Variants in WDFY3 observed in about 807,000 individuals in gnomAD.
WDFY3 encodes WD repeat and FYVE domain-containing protein 3.
In WDFY3, 66 loss-of-function variants were observed where a neutral mutation model predicts 409.6. The ratio of observed to expected loss-of-function variants is 0.16; its 90% CI spans 0.13 to 0.20. The LOEUF (loss-of-function observed/expected upper bound fraction) is 0.20, where lower values mean the gene tolerates loss of function less well. WDFY3 is among the 10% of genes least tolerant of loss of function. The pLI is 1.00. For synonymous variants in WDFY3, 1,521 were observed against 1,537.1 expected (o/e 0.99, Z 0.25); for missense variants, 3,031 against 4,298.1 (o/e 0.71, Z 8.24).
At chr4:84,680,038 C>A (rs1302895314) in intron 64 of WDFY3, among the ~76,000 whole-genome samples, 3 of 151,680 alleles carry the variant, frequency 2.0e-5, no homozygotes, top group Non-Finnish European at 4.4e-5. Flanking sequence ...CTACAGGCAC[C>A]CACCACCACA....
intron 1 of WDFY3, among the ~76,000 whole-genome samples, chr4:84,932,888 T>C (rs184684982): frequency 3.9e-5 from 6 of 152,322 alleles, no homozygotes; most frequent in Admixed American, 3.9e-4. Context: ...CTCAAGTTAT[T>C]TGGGTTGCCT....
chr4:84,739,194 T>C (rs1360767918), intron 39 of WDFY3, 75 bp from the exon 40 acceptor site: 3 of 1,408,200 alleles, frequency 2.1e-6, no homozygotes, highest in Non-Finnish European at 3.0e-6. Context: ...AGAATTACTC[T>C]ATTTCCATTA....
At chr4:84,936,590 G>A (rs1379008992) in intron 1 of WDFY3, among the ~76,000 whole-genome samples, 2 of 152,046 alleles carry the variant, frequency 1.3e-5, no homozygotes, top group Admixed American at 6.6e-5. Flanking sequence ...GAAAGATTTT[G>A]TGGAGTCTCT....
intron 1 of WDFY3, among the ~76,000 whole-genome samples, chr4:84,941,201 A>ATT (rs1561124882): frequency 1.3e-5 from 2 of 152,060 alleles, no homozygotes; most frequent in African/African-American, 4.8e-5. Flanking sequence ...AGGCAGCATG[A>ATT]TTATATATAT....
intron 22 of WDFY3, among the ~76,000 whole-genome samples, chr4:84,788,747 A>C (rs1025317219): frequency 2.0e-5 from 3 of 152,194 alleles, no homozygotes; most frequent in African/African-American, 7.2e-5. Context: ...GATCGCCCTA[A>C]AATGGATAAC....
intron 2 of WDFY3, among the ~76,000 whole-genome samples, chr4:84,921,526 TTA>T (rs775000399): frequency 2.0e-5 from 3 of 152,022 alleles, no homozygotes; most frequent in Non-Finnish European, 4.4e-5. Context: ...AAAAGTATTT[TTA>T]TATGTCTTTA....
intron 1 of WDFY3, among the ~76,000 whole-genome samples, chr4:84,957,216 C>A (rs1221058741): frequency 6.7e-6 from 1 of 150,026 alleles, no homozygotes; most frequent in Non-Finnish European, 1.5e-5. Context: ...ATATATAGTG[C>A]CTGCATTAAG....
At chr4:84,920,198 G>A (rs1044263685) in intron 2 of WDFY3, among the ~76,000 whole-genome samples, 3 of 152,126 alleles carry the variant, frequency 2.0e-5, no homozygotes, top group Non-Finnish European at 4.4e-5. Flanking sequence ...ATAAACGCAA[G>A]ATATGATCAT....
At chr4:84,765,471 A>G (rs1361012852) in intron 32 of WDFY3, among the ~76,000 whole-genome samples, 2 of 152,196 alleles carry the variant, frequency 1.3e-5, no homozygotes, top group African/African-American at 4.8e-5. Flanking sequence ...ACTGGCACAC[A>G]GTAAGTACTC....
intron 54 of WDFY3, among the ~76,000 whole-genome samples, chr4:84,705,029 G>A (rs1230623904): frequency 1.3e-5 from 2 of 151,842 alleles, no homozygotes; most frequent in Admixed American, 1.3e-4. Flanking sequence ...AATGCAAAAG[G>A]GTTCCAAAAT....
intron 30 of WDFY3, among the ~76,000 whole-genome samples, chr4:84,772,441 G>A (rs1005836867): frequency 1.3e-5 from 2 of 152,096 alleles, no homozygotes; most frequent in Admixed American, 6.6e-5. Flanking sequence ...TAACAGGGAA[G>A]TGAAAATAAT....
Position 84,766,236 on chromosome 4 carries a change from A to T in WDFY3, c.4970+16T>A. 1.9e-6 allele frequency: 3 copies of T among 1,567,644 alleles called. No individual in the cohort carries two copies. The highest frequency in any genetic ancestry group is 2.6e-6 in the Non-Finnish European group (3 of 1,157,810). Reference sequence around the variant, plus strand: ...GTAGCAACTGGTATAATCACTTTTAAAAAAGATTTACTTACTGCAAATTAA... The same window carrying T: ...GTAGCAACTGGTATAATCACTTTTATAAAAGATTTACTTACTGCAAATTAA... On this transcript the variant is annotated intron_variant, in intron 31 of 67. Transcript: ENST00000295888.
chr4:84,826,906 T>C lies in WDFY3; in HGVS notation c.1032A>G (p.Thr344=). The change falls in exon 10 of 68, where the codon ACA becomes ACG. Residue 344 remains threonine, a synonymous_variant. Coordinates refer to ENST00000295888, the MANE Select transcript of WDFY3 (RefSeq NM_014991.6). ...DLVNLITSLT[T]YGVSELKPAG... ...CTGGTTTTAGTTCACTGACACCATATGTTGTTAGGGAAGTTATCAGATTAA... is the reference window on the plus strand; with the variant it reads ...CTGGTTTTAGTTCACTGACACCATACGTTGTTAGGGAAGTTATCAGATTAA... 6 of 1,611,154 alleles carry C rather than the reference T, an allele frequency of 3.7e-6. No homozygotes were observed. The highest frequency in any genetic ancestry group is 3.3e-4 in the Middle Eastern group (2 of 6,052).
intron 3 of WDFY3, among the ~76,000 whole-genome samples, chr4:84,890,074 T>C (rs2150498504): frequency 6.6e-6 from 1 of 152,166 alleles, no homozygotes; most frequent in East Asian, 1.9e-4. Flanking sequence ...GCAATTTAGG[T>C]TCAGCCAATC....
At chr4:84,943,971 T>C (rs771002202) in intron 1 of WDFY3, among the ~76,000 whole-genome samples, 1 of 152,190 alleles carries the variant, frequency 6.6e-6, no homozygotes, top group African/African-American at 2.4e-5. Flanking sequence ...GATTAGGATA[T>C]ATGGCACTTT....
At chr4:84,780,731 T>C (rs1166451236) in intron 25 of WDFY3, among the ~76,000 whole-genome samples, 1 of 151,896 alleles carries the variant, frequency 6.6e-6, no homozygotes, top group South Asian at 2.1e-4. Flanking sequence ...GCCACCGCAC[T>C]CCAGCCTGGG....
At position 84,868,112 on chromosome 4, in the gene WDFY3, A is replaced by C. The variant is rs1761657658; in HGVS notation, c.-31-7490T>G. Among the ~76,000 whole-genome samples, 4 of 119,522 alleles carry C rather than the reference A, an allele frequency of 3.3e-5. No individual in the cohort carries two copies. In the South Asian group the frequency reaches 8.7e-4, roughly 26 times the overall value. The allele number at this position is 119,522 out of a possible 152,430, so 78.4% of individuals were successfully genotyped here. ...TGAACCCAGGAGGAGGTGGAGCTTT[A>C]AGTGAGCCGAGATCATGCCACTGCA... On this transcript the variant is annotated intron_variant, in intron 3 of 67. Coordinates refer to ENST00000295888, the MANE Select transcript of WDFY3 (RefSeq NM_014991.6).
intron 1 of WDFY3, among the ~76,000 whole-genome samples, chr4:84,956,693 C>G (rs1052010232): frequency 2.6e-5 from 4 of 152,126 alleles, no homozygotes; most frequent in Non-Finnish European, 5.9e-5. Flanking sequence ...AAGCTTGCAA[C>G]CTCATCAAAA....
chr4:84,952,743 C>CAA (rs765563963), intron 1 of WDFY3, among the ~76,000 whole-genome samples: 1 of 140,922 alleles, frequency 7.1e-6, no homozygotes, highest in Non-Finnish European at 1.6e-5. Flanking sequence ...TCATCTTGAC[C>CAA]AAAAAAAAAA....
Sources: gnomAD v4.1 joint callset for allele counts (sites outside exome capture counted in the v4.1 genomes callset) on GRCh38, gnomAD v4.1.1 for gene constraint, MANE v1.5 for transcripts, NCBI Gene and HGNC (gene_info 2026-07-23, HGNC 2026-07-21) for gene names.